Variants in PDE4D observed in about 807,000 individuals in gnomAD.
PDE4D encodes phosphodiesterase 4D, also known as 3',5'-cyclic-AMP phosphodiesterase 4D.
Under a neutral mutation model 87.4 loss-of-function variants are expected in PDE4D, and 24 were observed. The observed-to-expected ratio is 0.27, with a 90% CI of 0.20 to 0.39. PDE4D has a LOEUF of 0.39. Ranked by LOEUF, PDE4D falls within the 10% of genes least tolerant of loss-of-function variation. The pLI, the probability that PDE4D is intolerant of heterozygous loss-of-function variation, is 1.00. For synonymous variants in PDE4D, 384 were observed against 383.2 expected (o/e 1.00, Z -0.02); for missense variants, 714 against 1,041.0 (o/e 0.69, Z 4.32).
Position 59,826,294 on chromosome 5 carries a change from C to T in PDE4D, c.455+66874G>A, listed in dbSNP as rs181687122. On this transcript the variant is annotated intron_variant, in intron 1 of 14. Transcript: ENST00000340635. ...GTGAATGACCATTCAGTCATCAGCC[C>T]TTAATTTCTACATTATACAAATTTT... Among the ~76,000 whole-genome samples the T allele has an allele frequency of 3.9e-5, 6 of 152,238 alleles. 1 individual carries two copies. Among genetic ancestry groups the T allele is most frequent in the African/African-American group, 1.4e-4 (6 of 41,542 alleles).
At chr5:59,283,669 C>A (rs545611) in intron 1 of PDE4D, among the ~76,000 whole-genome samples, 1 of 151,896 alleles carries the variant, frequency 6.6e-6, no homozygotes, top group Non-Finnish European at 1.5e-5. Context: ...ACCTTTCTCC[C>A]ACTTCCCTGC....
chr5:59,528,471 A>C (rs998688519), intron 1 of PDE4D, among the ~76,000 whole-genome samples: 1 of 152,188 alleles, frequency 6.6e-6, no homozygotes, highest in Non-Finnish European at 1.5e-5. Flanking sequence ...AGAGAAGGAG[A>C]TGGTGCCTAA....
At chr5:59,048,071 C>T (rs780015856) in intron 5 of PDE4D, among the ~76,000 whole-genome samples, 1 of 152,180 alleles carries the variant, frequency 6.6e-6, no homozygotes, top group Non-Finnish European at 1.5e-5. Context: ...ATATTCAGTA[C>T]AGACCGTATA....
At chr5:59,840,839 T>C (rs948751869) in intron 1 of PDE4D, among the ~76,000 whole-genome samples, 27 of 152,068 alleles carry the variant, frequency 1.8e-4, no homozygotes, top group African/African-American at 6.5e-4. Flanking sequence ...AGTAACTGTC[T>C]GGTGTAGAAG....
chr5:59,723,615 G>A (rs1267640240), intron 1 of PDE4D, among the ~76,000 whole-genome samples: 1 of 152,116 alleles, frequency 6.6e-6, no homozygotes, highest in South Asian at 2.1e-4. Flanking sequence ...TCCCTGATAG[G>A]AATGGCAAGG....
chr5:59,981,235 C>T (rs1761902592), intron 3 of PDE4D, among the ~76,000 whole-genome samples: 1 of 151,988 alleles, frequency 6.6e-6, no homozygotes, highest in Non-Finnish European at 1.5e-5. Flanking sequence ...CTGGGTGACA[C>T]AGCAAGACTC....
chr5:59,600,366 C>G (rs1827323772), intron 1 of PDE4D, among the ~76,000 whole-genome samples: 1 of 152,150 alleles, frequency 6.6e-6, no homozygotes, highest in African/African-American at 2.4e-5. Flanking sequence ...CTGGCTATGA[C>G]TGTCCATCCT....
intron 1 of PDE4D, chr5:59,356,778 C>T (rs376328755): frequency 2.5e-6 from 4 of 1,568,706 alleles, no homozygotes; most frequent in Non-Finnish European, 3.4e-6. Context: ...TTGAGAAACG[C>T]AATCTTGATT....
chr5:59,512,854 G>A (rs1810501077), intron 1 of PDE4D, among the ~76,000 whole-genome samples: 1 of 151,894 alleles, frequency 6.6e-6, no homozygotes, highest in Non-Finnish European at 1.5e-5. Flanking sequence ...TAATACCAAG[G>A]ACAAAGATAA....
At chr5:59,347,413 G>A (rs13153653) in intron 1 of PDE4D, among the ~76,000 whole-genome samples, 12,587 of 152,090 alleles carry the variant, frequency 0.083, 630 homozygotes, top group East Asian at 0.22. Context: ...GAAAAGTTTC[G>A]TCCAGCTAGC....
At chr5:59,762,535 T>A (rs1393341682) in intron 1 of PDE4D, among the ~76,000 whole-genome samples, 1 of 115,308 alleles carries the variant, frequency 8.7e-6, no homozygotes, top group East Asian at 2.1e-4. Context: ...TGGGTACACA[T>A]GTGTATATGT....
chr5:60,197,112 G>A (rs977395924), intron 1 of PDE4D, among the ~76,000 whole-genome samples: 1 of 150,522 alleles, frequency 6.6e-6, no homozygotes, highest in African/African-American at 2.5e-5. Context: ...TAGATAGATA[G>A]ATAGATAGAT....
At chr5:59,584,033 T>A (rs531980260) in intron 1 of PDE4D, among the ~76,000 whole-genome samples, 2 of 152,322 alleles carry the variant, frequency 1.3e-5, no homozygotes, top group South Asian at 2.1e-4. Context: ...GAAAAGGCTC[T>A]AAATGTGAGA....
At chr5:59,951,977 C>T (rs1758338188) in intron 3 of PDE4D, among the ~76,000 whole-genome samples, 1 of 152,080 alleles carries the variant, frequency 6.6e-6, no homozygotes, top group Non-Finnish European at 1.5e-5. Flanking sequence ...GCTTTGTGCC[C>T]CTACCCAAAT....
At chr5:59,579,403 T>C (rs1823697290) in intron 1 of PDE4D, among the ~76,000 whole-genome samples, 1 of 152,194 alleles carries the variant, frequency 6.6e-6, no homozygotes, top group Admixed American at 6.5e-5. Flanking sequence ...GGCTATTTTA[T>C]GATTAAAATG....
chr5:60,107,877 G>C (rs9765570), intron 2 of PDE4D, among the ~76,000 whole-genome samples: 108,964 of 152,042 alleles, frequency 0.72, 39,919 homozygotes, highest in African/African-American at 0.83. Flanking sequence ...GAAGACCTAT[G>C]TATGACAAAC....
At chr5:59,658,253 A>T (rs549865877) in intron 1 of PDE4D, among the ~76,000 whole-genome samples, 1 of 152,180 alleles carries the variant, frequency 6.6e-6, no homozygotes, top group African/African-American at 2.4e-5. Flanking sequence ...TTAAAAAAAA[A>T]CCATGAATCT....
chr5:60,207,189 G>A (rs1742639998), intron 1 of PDE4D, among the ~76,000 whole-genome samples: 1 of 152,150 alleles, frequency 6.6e-6, no homozygotes, highest in Non-Finnish European at 1.5e-5. Flanking sequence ...CAGGAGGGGT[G>A]GCTAATAAGG....
chr5:59,902,450 T>C (rs1003008915), intron 3 of PDE4D, among the ~76,000 whole-genome samples: 1 of 152,140 alleles, frequency 6.6e-6, no homozygotes, highest in African/African-American at 2.4e-5. Context: ...CATACATATA[T>C]GATTTTTTAA....
Sources: gnomAD v4.1 joint callset for allele counts (sites outside exome capture counted in the v4.1 genomes callset) on GRCh38, gnomAD v4.1.1 for gene constraint, MANE v1.5 for transcripts, NCBI Gene and HGNC (gene_info 2026-07-23, HGNC 2026-07-21) for gene names.